MRTFA: variants seen among roughly 807,000 people sequenced by gnomAD.
The protein encoded by MRTFA is myocardin-related transcription factor A.
Under a neutral mutation model 83.5 loss-of-function variants are expected in MRTFA, and 20 were observed. The ratio of observed to expected loss-of-function variants is 0.24; its 90% confidence interval spans 0.17 to 0.35. The LOEUF (loss-of-function observed/expected upper bound fraction) is 0.35, where lower values mean the gene tolerates loss of function less well. Ranked by LOEUF, MRTFA falls within the 10% of genes least tolerant of loss-of-function variation. MRTFA has a pLI of 1.00. For missense variants in MRTFA, 1,200 were observed against 1,224.7 expected (o/e 0.98, Z 0.30); for synonymous variants, 659 against 541.2 (o/e 1.22, Z -3.02).
intron 1 of MRTFA, among the ~76,000 whole-genome samples, chr22:40,631,531 C>T (rs2056641871): frequency 1.3e-5 from 2 of 152,084 alleles, no homozygotes; most frequent in South Asian, 4.1e-4. Flanking sequence ...GCCAGGATTC[C>T]GATCTATGCA....
chr22:40,451,989 T>TGG (rs1569272663), intron 4 of MRTFA, among the ~76,000 whole-genome samples: 32 of 120,218 alleles, frequency 2.7e-4, no homozygotes, highest in South Asian at 3.0e-4. Context: ...TTTTTTTTTT[T>TGG]TTTTTTTTTT....
At chr22:40,514,659 T>C (rs953182007) in intron 3 of MRTFA, among the ~76,000 whole-genome samples, 3 of 146,634 alleles carry the variant, frequency 2.0e-5, no homozygotes, top group South Asian at 4.3e-4. Context: ...TGTTTTTTTT[T>C]AGTGGAGACA....
intron 4 of MRTFA, among the ~76,000 whole-genome samples, chr22:40,447,227 C>G (rs537808763): frequency 1.4e-4 from 21 of 151,930 alleles, no homozygotes; most frequent in Admixed American, 1.2e-3. Context: ...TGGCGCGCAC[C>G]TGTAGTCCGA....
chr22:40,446,790 C>T (rs1047029640), intron 4 of MRTFA, among the ~76,000 whole-genome samples: 3 of 152,112 alleles, frequency 2.0e-5, no homozygotes, highest in African/African-American at 2.4e-5. Context: ...TATGTGTCCC[C>T]TAAGAGGTTA....
chr22:40,519,755 A>T (rs2054830486), intron 3 of MRTFA: 2 of 435,914 alleles, frequency 4.6e-6, no homozygotes, highest in Non-Finnish European at 3.8e-6. Context: ...CTAAGAGCAA[A>T]GTCTGAGTGA....
In MRTFA at chr22:40,421,918, T is replaced by C. The variant is rs576808866; in HGVS notation, c.928-818A>G. 1.6e-4 allele frequency among the ~76,000 whole-genome samples: 24 copies of C among 152,258 alleles called. No individual in the cohort carries two copies. The South Asian group carries it at 4.6e-3, about 29-fold the overall frequency. ...TGGCAATGAGGACTGAAAGGAAGGT[T>C]TGGGCAGGTGACCCACTAGTGGAAG... On this transcript the variant is annotated intron_variant, in intron 9 of 14. Coordinates refer to ENST00000355630, the MANE Select transcript of MRTFA (RefSeq NM_020831.6).
At position 40,411,424 on chromosome 22, in the gene MRTFA, T is replaced by C; in HGVS notation, c.3062A>G (p.His1021Arg). The change falls in exon 15 of 15, where the codon CAT becomes CGT. Residue 1021 changes from histidine to arginine, a missense_variant. Coordinates refer to ENST00000355630, the MANE Select transcript of MRTFA (RefSeq NM_020831.6). ...GGAATCCCAGTGCAGCTGCAAATCA[T>C]GGCCATCGAGGAAGTCTGTGGAGAA... 1.3e-6 allele frequency: 2 copies of C among 1,574,938 alleles called. No homozygotes were observed. Among genetic ancestry groups the C allele is most frequent in the Non-Finnish European group, 1.7e-6 (2 of 1,152,900 alleles).
At chr22:40,451,733 T>C (rs1034135859) in intron 4 of MRTFA, among the ~76,000 whole-genome samples, 1 of 152,168 alleles carries the variant, frequency 6.6e-6, no homozygotes, top group Non-Finnish European at 1.5e-5. Flanking sequence ...CTCTTTGACA[T>C]AGGCCAGGCA....
intron 2 of MRTFA, chr22:40,587,551 A>C (rs574474561): frequency 3.4e-6 from 1 of 296,716 alleles, no homozygotes; most frequent in African/African-American, 2.3e-5. Flanking sequence ...CACCAAAAAA[A>C]GTTCAGGAAC....
intron 3 of MRTFA, among the ~76,000 whole-genome samples, chr22:40,494,195 TA>T (rs1255507491): frequency 2.0e-5 from 3 of 152,256 alleles, no homozygotes; most frequent in African/African-American, 7.2e-5. Context: ...GTCTCTGAAA[TA>T]AAAATAAACT....
chr22:40,633,038 T>C (rs2147455602), intron 1 of MRTFA, among the ~76,000 whole-genome samples: 1 of 151,762 alleles, frequency 6.6e-6, no homozygotes, highest in East Asian at 2.0e-4. Flanking sequence ...TCTTCCAAAA[T>C]GTATTCATTT....
At chr22:40,440,267 G>T (rs1183109371) in intron 4 of MRTFA, among the ~76,000 whole-genome samples, 1 of 152,026 alleles carries the variant, frequency 6.6e-6, no homozygotes, top group Non-Finnish European at 1.5e-5. Flanking sequence ...TAGCCCATGA[G>T]GCAGGGACCG....
intron 3 of MRTFA, among the ~76,000 whole-genome samples, chr22:40,491,200 G>T (rs565490026): frequency 1.5e-4 from 23 of 152,146 alleles, no homozygotes; most frequent in Non-Finnish European, 3.1e-4. Flanking sequence ...AAATTAGCCG[G>T]GTGCAGTGGT....
chr22:40,599,125 C>A lies in MRTFA; in HGVS notation c.-83-4390G>T, dbSNP rs76345201. On this transcript the variant is annotated intron_variant, in intron 1 of 14. Transcript: ENST00000355630. ...CTAGCCTGGCCAACATGGAGAAACC[C>A]CATCTCTACTAAAAATAGAAAAATT... 3.1e-3 allele frequency among the ~76,000 whole-genome samples: 468 copies of A among 152,020 alleles called. 22 individuals are homozygous for A. In the East Asian group the frequency reaches 0.083, roughly 27 times the overall value.
chr22:40,624,292 G>A (rs2056555801), intron 1 of MRTFA, among the ~76,000 whole-genome samples: 1 of 151,840 alleles, frequency 6.6e-6, no homozygotes, highest in African/African-American at 2.4e-5. Flanking sequence ...CGTGCATGGT[G>A]GGGCACGCCT....
chr22:40,535,784 G>A (rs1323233102), intron 3 of MRTFA, among the ~76,000 whole-genome samples: 1 of 152,150 alleles, frequency 6.6e-6, no homozygotes, highest in Non-Finnish European at 1.5e-5. Context: ...AAGGGCAGAG[G>A]GCTGGCTGTC....
intron 2 of MRTFA, among the ~76,000 whole-genome samples, chr22:40,591,363 TA>T (rs1352644281): frequency 3.3e-5 from 5 of 151,914 alleles, no homozygotes. Context: ...TTACACTTTT[TA>T]AAAAGTGTTG....
At position 40,416,517 on chromosome 22, in the gene MRTFA, T is replaced by C. The variant is rs762008715; in HGVS notation, c.2578+469A>G. Among the ~76,000 whole-genome samples the C allele has an allele frequency of 6.6e-6, 1 of 152,064 alleles. No individual in the cohort carries two copies. The highest frequency in any genetic ancestry group is 1.5e-5 in the Non-Finnish European group (1 of 68,006). On this transcript the variant is annotated intron_variant, in intron 14 of 14. Transcript: ENST00000355630. The surrounding 1 kb of genome is among the most constrained non-coding windows in gnomAD (Gnocchi z 4.2). ...CCATGAAGGCCTTCTTCCCCTTTCC[T>C]CAACTCCACTCCAACCCGCCAGGTA...
At chr22:40,519,479 T>C (rs1159570985) in intron 3 of MRTFA, 2 of 1,342,648 alleles carry the variant, frequency 1.5e-6, no homozygotes, top group East Asian at 8.0e-5. Context: ...CTGCCCTCTC[T>C]TCTCATGCTT....
Sources: gnomAD v4.1 joint callset for allele counts (sites outside exome capture counted in the v4.1 genomes callset) on GRCh38, gnomAD v4.1.1 for gene constraint, Gnocchi (gnomAD v3.1) non-coding constraint, MANE v1.5 for transcripts, NCBI Gene and HGNC (gene_info 2026-07-23, HGNC 2026-07-21) for gene names.